ABCC10: variants seen among roughly 807,000 people sequenced by gnomAD.
The protein encoded by ABCC10 is ATP-binding cassette sub-family C member 10.
Under a neutral mutation model 143.2 loss-of-function variants are expected in ABCC10, and 110 were observed. The ratio of observed to expected loss-of-function variants is 0.77; its 90% confidence interval spans 0.66 to 0.90. ABCC10 has a LOEUF of 0.90. Among genes scored for constraint, ABCC10 ranks in the 40% least tolerant of loss-of-function variants. The pLI, the probability that ABCC10 is intolerant of heterozygous loss-of-function variation, is 0.00. For synonymous variants in ABCC10, 805 were observed against 846.7 expected, an observed-to-expected ratio of 0.95 and a Z score of 0.85; for missense variants, 1,700 against 1,900.5, an observed-to-expected ratio of 0.89 and a Z score of 1.96.
chr6:43,447,782 C>T lies in ABCC10; in HGVS notation c.3804C>T (p.Phe1268=), dbSNP rs1316403641. The change falls in exon 18 of 22, where the codon TTC becomes TTT. Residue 1268 remains phenylalanine, a synonymous_variant. Transcript: ENST00000372530. ...CGAATGCCCTGGATGGAGTGACCTT[C>T]TGCGTGCAGCCTGGAGAGAAGTTGG... ...GLPNALDGVT[F]CVQPGEKLGI... is the part of the protein sequence containing the mutation. 5 of 1,613,578 alleles carry T rather than the reference C, an allele frequency of 3.1e-6. No individual in the cohort carries two copies. In the African/African-American group the frequency reaches 5.3e-5, roughly 17 times the overall value.
intron 17 of ABCC10, 118 bp downstream of exon 17, chr6:43,447,526 G>C (rs1408917102): frequency 3.9e-6 from 6 of 1,553,066 alleles, no homozygotes; most frequent in East Asian, 4.5e-5. Flanking sequence ...CTCTCTTCAT[G>C]ATGACCACAA....
intron 6 of ABCC10, 48 bp downstream of exon 6, chr6:43,436,295 A>G: frequency 1.9e-6 from 3 of 1,585,482 alleles, no homozygotes; most frequent in Non-Finnish European, 2.6e-6. Flanking sequence ...AACGAGAGAG[A>G]TGGGAACTCA....
chr6:43,444,431 CA>C (rs757609318), intron 12 of ABCC10, 78 bp downstream of exon 12: 153 of 1,459,140 alleles, frequency 1.0e-4, no homozygotes, highest in Non-Finnish European at 1.2e-4. Context: ...CTAATCATTA[CA>C]AAGCCCAGAG....
In ABCC10 at chr6:43,449,136, G is replaced by A; in HGVS notation, c.4135G>A (p.Gly1379Ser). 1 of 1,614,196 alleles carries A rather than the reference G, an allele frequency of 6.2e-7. No homozygotes were observed. Among genetic ancestry groups the A allele is most frequent in the Non-Finnish European group, 8.5e-7 (1 of 1,180,014 alleles). Reference sequence around the variant, plus strand: ...TCTGGATGGTGAGCTGGGTGAGGGGGGCCGGAGCTTATCTCTTGGGCAGAG... The same window carrying A: ...TCTGGATGGTGAGCTGGGTGAGGGGAGCCGGAGCTTATCTCTTGGGCAGAG... The part of the protein sequence containing the change: ...GGLDGELGEG[G>S]RSLSLGQRQL... Residue 1379 changes from glycine (G) to serine (S), a missense_variant, in exon 20 of 22, where the codon GGC becomes AGC. Coordinates refer to ENST00000372530, the MANE Select transcript of ABCC10 (RefSeq NM_001198934.2).
intron 15 of ABCC10, 138 bp downstream of exon 15, chr6:43,446,080 G>A (rs1228231934): frequency 4.2e-6 from 5 of 1,191,988 alleles, no homozygotes; most frequent in Non-Finnish European, 3.5e-6. Context: ...AGCAACAGAA[G>A]AAGGAGATAG....
rs139298364 is a variant in ABCC10 at position 43,445,339 on chromosome 6, A to G, written c.3030+25A>G. On this transcript the variant is annotated intron_variant, in intron 14 of 21. Coordinates refer to ENST00000372530, the MANE Select transcript of ABCC10 (RefSeq NM_001198934.2). ...GGTGAGGGGCTGGGACCTCGGGGGTAGGGGAGTGCAGTCCTAGCCCCTGTG... is the reference window on the plus strand; with the variant it reads ...GGTGAGGGGCTGGGACCTCGGGGGTGGGGGAGTGCAGTCCTAGCCCCTGTG... 8.2e-3 allele frequency: 13,123 copies of G among 1,601,590 alleles called. 97 individuals carry two copies. The highest frequency in any genetic ancestry group is 0.018 in the Middle Eastern group (110 of 5,988).
intron 2 of ABCC10, 123 bp from the exon 3 acceptor site, chr6:43,432,019 G>T: frequency 2.0e-6 from 3 of 1,478,634 alleles, no homozygotes; most frequent in Non-Finnish European, 2.7e-6. Context: ...GTGGAGTAGG[G>T]ATAAGATGTG....
intron 3 of ABCC10, 114 bp downstream of exon 3, chr6:43,433,474 T>G (rs1318933600): frequency 7.0e-7 from 1 of 1,431,652 alleles, no homozygotes; most frequent in Non-Finnish European, 9.1e-7. Flanking sequence ...AGTTAAGAGC[T>G]GAGACTGGAG....
rs1251042306 is a variant in ABCC10, at chr6:43,447,643, CT to C, written c.3706-40del. The C allele has an allele frequency of 4.3e-6, 7 of 1,610,024 alleles. No homozygotes were observed. In the African/African-American group the frequency reaches 9.3e-5, roughly 21 times the overall value. ...CACCATCGCTCCTCATCTCCCCTATCTCCCTTTCCCCGTCTGTCTCCCACCC... is the reference window on the plus strand; with the variant it reads ...CACCATCGCTCCTCATCTCCCCTATCCCCTTTCCCCGTCTGTCTCCCACCC... On this transcript the variant is annotated intron_variant, in intron 17 of 21. Transcript: ENST00000372530.
At chr6:43,438,566 G>A in intron 7 of ABCC10, 58 bp from the exon 8 acceptor site, 2 of 1,589,330 alleles carry the variant, frequency 1.3e-6, no homozygotes, top group Non-Finnish European at 8.5e-7. Flanking sequence ...TCAAGGGCTG[G>A]GCATGGAGGG....
rs760968562 is a variant in ABCC10 at position 43,433,285 on chromosome 6, C to T, written c.1305C>T (p.Pro435=). ...GGLILALLLV[P]VNKVIATRIM... ...TCATCTTGGCACTGCTGCTGGTACC[C>T]GTCAACAAAGTGATTGCCACCCGCA... The change falls in exon 3 of 22, where the codon CCC becomes CCT. Residue 435 remains proline, a synonymous_variant. Transcript: ENST00000372530. 28 of 1,614,188 alleles carry T rather than the reference C, an allele frequency of 1.7e-5. 1 individual carries two copies. Among genetic ancestry groups the T allele is most frequent in the South Asian group, 3.3e-5 (3 of 91,082 alleles).
In ABCC10 at chr6:43,444,142, AC is replaced by A. The variant is rs763510601; in HGVS notation, c.2495-13del. On this transcript the variant is annotated splice_polypyrimidine_tract_variant and intron_variant, in intron 11 of 21. Transcript: ENST00000372530. ...ACCCTGCAAGCTTAATTCTTCCATG[AC>A]CCCTGATTCTCACAGCCACAGCCCA... 2 of 1,611,110 alleles carry A rather than the reference AC, an allele frequency of 1.2e-6. No homozygotes were observed. Among genetic ancestry groups the A allele is most frequent in the South Asian group, 2.2e-5 (2 of 90,922 alleles).
chr6:43,431,725 A>G lies in ABCC10; in HGVS notation c.162-417A>G, dbSNP rs1240029892. 13 of 761,094 alleles carry G rather than the reference A, an allele frequency of 1.7e-5. No homozygotes were observed. In the South Asian group the frequency reaches 7.4e-4, roughly 43 times the overall value. 47.1% of individuals were successfully genotyped at this position (761,094 alleles called of 1,614,324 possible). ...TGCTTGTTTGTTATTATACATGGAT[A>G]TATTATGTGATGCTGAAGTTTGGGC... On this transcript the variant is annotated intron_variant, in intron 2 of 21. Transcript: ENST00000372530.
intron 20 of ABCC10, 73 bp downstream of exon 20, chr6:43,449,277 G>T (rs2127415377): frequency 1.3e-6 from 2 of 1,563,256 alleles, no homozygotes; most frequent in Non-Finnish European, 1.7e-6. Flanking sequence ...GAGGTAGAGT[G>T]GGGAGAGGTT....
At chr6:43,446,758 C>T in intron 16 of ABCC10, 1 of 1,220,804 alleles carries the variant, frequency 8.2e-7, no homozygotes, top group Non-Finnish European at 1.0e-6. Flanking sequence ...CCGTCCCTCC[C>T]AGCTTCTCCA....
chr6:43,445,288 C>T lies in ABCC10; in HGVS notation c.3004C>T (p.Arg1002Cys), dbSNP rs201353470. 4.1e-4 allele frequency: 664 copies of T among 1,613,810 alleles called. No homozygotes were observed. Among genetic ancestry groups the T allele is most frequent in the Non-Finnish European group, 5.0e-4 (595 of 1,179,932 alleles). Reference protein sequence around the residue: ...GTLQAAATLHRRLLHRVLMAP... With the variant: ...GTLQAAATLHCRLLHRVLMAP... ...CCTTCAAGCAGCTGCCACTCTGCAT[C>T]GCCGCCTGCTGCATCGAGTCCTTAT... Residue 1002 changes from arginine (R) to cysteine (C), a missense_variant, in exon 14 of 22, where the codon CGC becomes TGC. By Grantham distance (180) the Arg-to-Cys change is radical (BLOSUM62 -3). Coordinates refer to ENST00000372530, the MANE Select transcript of ABCC10 (RefSeq NM_001198934.2).
At chr6:43,429,369 T>G (rs1422470978) in intron 2 of ABCC10, among the ~76,000 whole-genome samples, 6 of 100,950 alleles carry the variant, frequency 5.9e-5, no homozygotes, top group East Asian at 3.1e-4. Flanking sequence ...TTTCTTTTCT[T>G]TCTTGTGTGT....
chr6:43,446,518 AC>A, intron 16 of ABCC10, 72 bp downstream of exon 16: 1 of 1,512,434 alleles, frequency 6.6e-7, no homozygotes, highest in Non-Finnish European at 8.8e-7. Flanking sequence ...CTCTCCCTGC[AC>A]CATCCCCCCA....
At chr6:43,434,226 G>A (rs777665546) in intron 3 of ABCC10, among the ~76,000 whole-genome samples, 6 of 152,378 alleles carry the variant, frequency 3.9e-5, no homozygotes, top group African/African-American at 7.2e-5. Flanking sequence ...GAACTGGGGG[G>A]CCAGCCCCCG....
Sources: gnomAD v4.1 joint callset for allele counts (sites outside exome capture counted in the v4.1 genomes callset) on GRCh38, gnomAD v4.1.1 for gene constraint, MANE v1.5 for transcripts, NCBI Gene and HGNC (gene_info 2026-07-23, HGNC 2026-07-21) for gene names.